The following MYH1 variants were observed in gnomAD, a reference collection of about 807,000 sequenced individuals.
MYH1 encodes the protein myosin-1.
A neutral mutation model predicts 225.6 loss-of-function variants in MYH1; 214 were observed. That is an observed-to-expected ratio of 0.95 (90% CI 0.85 to 1.06). The LOEUF is 1.06. Among genes scored for constraint, MYH1 ranks in the 50% least tolerant of loss-of-function variants. MYH1 has a pLI of 0.00. For synonymous variants in MYH1, 774 were observed against 842.3 expected (o/e 0.92, Z 1.40); for missense variants, 2,098 against 2,344.2 (o/e 0.89, Z 2.17).
chr17:10,497,978 G>A, intron 30 of MYH1, 61 bp from the exon 31 acceptor site: 4 of 1,451,270 alleles, frequency 2.8e-6, no homozygotes, highest in East Asian at 2.3e-5. Flanking sequence ...TTCAAAGTGG[G>A]TACAAGAGAG....
At chr17:10,504,443 T>C (rs2073089074) in intron 22 of MYH1, among the ~76,000 whole-genome samples, 1 of 152,256 alleles carries the variant, frequency 6.6e-6, no homozygotes, top group Non-Finnish European at 1.5e-5. Flanking sequence ...CAAGTTAATG[T>C]GTTTTCATCA....
chr17:10,505,793 T>A lies in MYH1; in HGVS notation c.2174+19A>T. 6.2e-7 allele frequency: 1 copy of A among 1,613,612 alleles called. No individual in the cohort carries two copies. Among genetic ancestry groups the A allele is most frequent in the South Asian group, 1.1e-5 (1 of 90,958 alleles). On this transcript the variant is annotated intron_variant, in intron 19 of 39. Transcript: ENST00000226207. ...GTAATAAAAACCTCTTAAAATAATT[T>A]ACAGCAAAAATGTCTGACCTCTGTT...
Position 10,498,618 on chromosome 17 carries a change from G to T in MYH1, c.4181+8C>A. 1.2e-6 allele frequency: 2 copies of T among 1,613,890 alleles called. No individual in the cohort carries two copies. The highest frequency in any genetic ancestry group is 8.5e-7 in the Non-Finnish European group (1 of 1,179,840). On this transcript the variant is annotated splice_region_variant and intron_variant, in intron 30 of 39. Coordinates refer to ENST00000226207, the MANE Select transcript of MYH1 (RefSeq NM_005963.4). The stretch of plus-strand genomic sequence containing the variant: ...TATAGTTCCATTTTAACTAAGTCTG[G>T]AACATACTTGGCCTCCTCCAGCTCC...
chr17:10,497,238 A>C, intron 32 of MYH1, 45 bp from the exon 33 acceptor site: 1 of 1,592,726 alleles, frequency 6.3e-7, no homozygotes, highest in Non-Finnish European at 8.5e-7. Flanking sequence ...TAGTTGGAAA[A>C]GATTCTTTCA....
In MYH1 at chr17:10,504,926, C is replaced by A. The variant is rs775857717; in HGVS notation, c.2575G>T (p.Glu859Ter). The part of the protein sequence containing the change: ...TEKEMANMKE[E>*]FEKTKEELAK... Reference sequence around the variant, plus strand: ...AGCTCTTCTTTGGTTTTCTCAAATTCTTCCTTCATGTTGGCCATCTCCTTC... The same window carrying A: ...AGCTCTTCTTTGGTTTTCTCAAATTATTCCTTCATGTTGGCCATCTCCTTC... Residue 859 changes from glutamate (E) to a stop codon, truncating the protein, a stop_gained, in exon 22 of 40, where the codon GAA (glutamate) becomes TAA (stop). Transcript: ENST00000226207. LOFTEE classifies it high-confidence loss of function. 4.0e-5 allele frequency: 64 copies of A among 1,613,866 alleles called. No homozygotes were observed. Among genetic ancestry groups the A allele is most frequent in the Non-Finnish European group, 5.2e-5 (61 of 1,179,996 alleles).
chr17:10,516,837 C>T (rs1468430164), intron 2 of MYH1, among the ~76,000 whole-genome samples, 155 bp from the exon 3 acceptor site: 1 of 152,198 alleles, frequency 6.6e-6, no homozygotes, highest in East Asian at 1.9e-4. Flanking sequence ...AAATGTCAGT[C>T]TCCTTGTTCT....
Position 10,497,147 on chromosome 17 carries a change from G to C in MYH1, c.4578C>G (p.Arg1526=). The C allele has an allele frequency of 6.2e-7, 1 of 1,614,060 alleles. No individual in the cohort carries two copies. The highest frequency in any genetic ancestry group is 8.5e-7 in the Non-Finnish European group (1 of 1,180,004). Residue 1526 remains arginine (R), a synonymous_variant, in exon 33 of 40, where the codon CGC becomes CGG. Coordinates refer to ENST00000226207, the MANE Select transcript of MYH1 (RefSeq NM_005963.4). ...LTEQIAEGGK[R]IHELEKIKKQ... ...TCTTTATTTTTTCCAGTTCATGGATGCGCTTTCCTCCTTCTGCAATCTGTT... is the reference window on the plus strand; with the variant it reads ...TCTTTATTTTTTCCAGTTCATGGATCCGCTTTCCTCCTTCTGCAATCTGTT...
chr17:10,515,036 C>T, intron 5 of MYH1, 141 bp from the exon 6 acceptor site: 1 of 737,838 alleles, frequency 1.4e-6, no homozygotes, highest in South Asian at 1.7e-5. Context: ...ATGGGTGTGT[C>T]CTGCTGGTTT....
rs113790424 is a variant in MYH1 at position 10,500,495 on chromosome 17, T to C, written c.3865+131A>G. ...GCAACCTCATGCCAGTGGTCAATAATGTGTTCATATTAGTGGGGATCTCCC... is the reference window on the plus strand; with the variant it reads ...GCAACCTCATGCCAGTGGTCAATAACGTGTTCATATTAGTGGGGATCTCCC... On this transcript the variant is annotated intron_variant, in intron 28 of 39. Coordinates refer to ENST00000226207, the MANE Select transcript of MYH1 (RefSeq NM_005963.4). 829 of 1,337,138 alleles carry C rather than the reference T, an allele frequency of 6.2e-4. 4 individuals are homozygous for C. The African/African-American group carries it at 0.011, about 18-fold the overall frequency. 82.8% of individuals were successfully genotyped at this position (1,337,138 alleles called of 1,614,324 possible).
At chr17:10,501,520 T>C in intron 26 of MYH1, 21 bp from the exon 27 acceptor site, 1 of 1,614,210 alleles carries the variant, frequency 6.2e-7, no homozygotes, top group South Asian at 1.1e-5. Context: ...TGAAAAATAT[T>C]AATACGAACT....
In MYH1 at chr17:10,497,057, T is replaced by C. The variant is rs767336503; in HGVS notation, c.4656+12A>G. On this transcript the variant is annotated intron_variant, in intron 33 of 39. Transcript: ENST00000226207. ...CTTCTAATTGTTTTAGAGTATGCAA[T>C]AAAATGCTTACCTCTGCCTCCTCTA... 6.2e-7 allele frequency: 1 copy of C among 1,611,354 alleles called. No homozygotes were observed. Among genetic ancestry groups the C allele is most frequent in the Admixed American group, 1.7e-5 (1 of 59,132 alleles).
chr17:10,516,288 T>C lies in MYH1; in HGVS notation c.259A>G (p.Lys87Glu). The C allele has an allele frequency of 6.2e-7, 1 of 1,614,212 alleles. No homozygotes were observed. Among genetic ancestry groups the C allele is most frequent in the Middle Eastern group, 1.6e-4 (1 of 6,062 alleles). Residue 87 changes from lysine (K) to glutamate (E), a missense_variant, in exon 4 of 40, where the codon AAG becomes GAG. Transcript: ENST00000226207. ...GTCATCATGGCCATGTCCTCGATCT[T>C]GTCATATTTGGGAGGGTTCATGGGG... ...VFPMNPPKYD[K>E]IEDMAMMTHL...
At chr17:10,500,802 AG>A in intron 27 of MYH1, 50 bp from the exon 28 acceptor site, 1 of 1,611,168 alleles carries the variant, frequency 6.2e-7, no homozygotes, top group Non-Finnish European at 8.5e-7. Flanking sequence ...GTTGGACCAA[AG>A]AAAGTTTCAG....
In MYH1 at chr17:10,501,250, G is replaced by A; in HGVS notation, c.3598C>T (p.His1200Tyr). The A allele has an allele frequency of 6.2e-7, 1 of 1,614,196 alleles. No individual in the cohort carries two copies. The highest frequency in any genetic ancestry group is 8.5e-7 in the Non-Finnish European group (1 of 1,180,036). ...CCAAGCTCGGCCACACTATCTGCAT[G>A]CTTCTTCCTCAGGGTGGCCGCCGTG... ...EATAATLRKK[H>Y]ADSVAELGEQ... The change falls in exon 27 of 40, where the codon CAT becomes TAT. Residue 1200 changes from histidine (H) to tyrosine (Y), a missense_variant. Physicochemically the swap from His to Tyr is moderately conservative, Grantham distance 83. Coordinates refer to ENST00000226207, the MANE Select transcript of MYH1 (RefSeq NM_005963.4).
chr17:10,503,281 T>G, intron 22 of MYH1, 33 bp from the exon 23 acceptor site: 1 of 1,600,368 alleles, frequency 6.2e-7, no homozygotes, highest in Non-Finnish European at 8.5e-7. Flanking sequence ...TTAGATTTTA[T>G]GAAAATTCCT....
intron 5 of MYH1, 65 bp downstream of exon 5, chr17:10,515,861 A>G (rs932847209): frequency 7.3e-5 from 117 of 1,607,550 alleles, no homozygotes; most frequent in Non-Finnish European, 9.6e-5. Flanking sequence ...GTCTTTTTTT[A>G]GTTCTAATAT....
chr17:10,517,078 C>A (rs911868415), intron 2 of MYH1, among the ~76,000 whole-genome samples: 7 of 152,202 alleles, frequency 4.6e-5, no homozygotes, highest in Non-Finnish European at 1.0e-4. Flanking sequence ...AAGCACCTTG[C>A]AGGCAGGGAG....
intron 14 of MYH1, among the ~76,000 whole-genome samples, chr17:10,509,969 C>G (rs1263367428): frequency 6.6e-6 from 1 of 152,030 alleles, no homozygotes; most frequent in African/African-American, 2.4e-5. Context: ...TAAGTGGGAG[C>G]TAAATGATGA....
intron 17 of MYH1, among the ~76,000 whole-genome samples, chr17:10,506,339 T>C (rs2073112239): frequency 6.6e-6 from 1 of 152,206 alleles, no homozygotes; most frequent in South Asian, 2.1e-4. Flanking sequence ...CGCTGCTGTT[T>C]AATTTCCTAG....
Sources: gnomAD v4.1 joint callset for allele counts (sites outside exome capture counted in the v4.1 genomes callset) on GRCh38, gnomAD v4.1.1 for gene constraint, MANE v1.5 for transcripts, NCBI Gene and HGNC (gene_info 2026-07-23, HGNC 2026-07-21) for gene names.